The following BDH1 variants were observed in gnomAD, a reference collection of about 807,000 sequenced individuals.
The protein encoded by BDH1 is D-beta-hydroxybutyrate dehydrogenase, mitochondrial.
In BDH1, 30 loss-of-function variants were observed where a neutral mutation model predicts 33.1. The observed-to-expected ratio is 0.91, with a 90% confidence interval of 0.68 to 1.23. BDH1 has a LOEUF of 1.23. Ranked by LOEUF, BDH1 falls within the 50% of genes most tolerant of loss-of-function variation. The pLI, the probability that BDH1 is intolerant of heterozygous loss-of-function variation, is 0.00. For missense variants in BDH1, 443 were observed against 464.4 expected (o/e 0.95, Z 0.42); for synonymous variants, 190 against 183.6 (o/e 1.03, Z -0.28).
intron 5 of BDH1, among the ~76,000 whole-genome samples, chr3:197,531,358 C>G (rs1440579608): frequency 6.6e-6 from 1 of 150,838 alleles, no homozygotes; most frequent in Admixed American, 6.6e-5. Context: ...ATTGCACCCA[C>G]TGCACTCCAG....
At chr3:197,513,846 A>G (rs1261752911) in intron 7 of BDH1, among the ~76,000 whole-genome samples, 2 of 152,212 alleles carry the variant, frequency 1.3e-5, no homozygotes, top group African/African-American at 4.8e-5. Flanking sequence ...GATTTTTACT[A>G]TTGTTCCCTA....
rs1553865645 is a variant in BDH1, at chr3:197,510,599, G to GGGGTGTGTGTGTGTGTGT, written c.*1295_*1296insACACACACACACACACCC. On this transcript the variant is annotated 3_prime_UTR_variant, in exon 8 of 8. Transcript: ENST00000392379. ...CCACGCTGAAGCCCTGCAGAACAGGGGTGTGTGTGTGTGTGTGTGTGTGTG... is the reference window on the plus strand; with the variant it reads ...CCACGCTGAAGCCCTGCAGAACAGGGGGGTGTGTGTGTGTGTGTGTGTGTGTGTGTGTGTGTGTGTGTG... The GGGGTGTGTGTGTGTGTGT allele has an allele frequency of 6.6e-5, 5 of 75,374 alleles. No homozygotes were observed. The highest frequency in any genetic ancestry group is 7.8e-4 in the East Asian group (1 of 1,274). 4.7% of individuals were successfully genotyped at this position (75,374 alleles called of 1,614,324 possible).
chr3:197,548,826 G>A (rs550793880), intron 2 of BDH1, among the ~76,000 whole-genome samples: 1 of 152,046 alleles, frequency 6.6e-6, no homozygotes, highest in East Asian at 1.9e-4. Context: ...ACTCCAGCCT[G>A]GGTGACAGAG....
upstream of BDH1, among the ~76,000 whole-genome samples, chr3:197,560,600 A>G (rs2108772950): frequency 6.6e-6 from 1 of 152,330 alleles, no homozygotes; most frequent in African/African-American, 2.4e-5. Flanking sequence ...ACTGCTGGTG[A>G]GTGTACCCTT....
intron 3 of BDH1, 30 bp from the exon 4 acceptor site, chr3:197,533,591 A>G (rs1196378953): frequency 6.2e-7 from 1 of 1,607,860 alleles, no homozygotes; most frequent in Non-Finnish European, 8.5e-7. Context: ...CGTGAGTACA[A>G]GGACAGACTA....
chr3:197,548,109 A>T (rs115266067), intron 2 of BDH1, among the ~76,000 whole-genome samples: 7,172 of 152,264 alleles, frequency 0.047, 423 homozygotes, highest in African/African-American at 0.14. Flanking sequence ...AGTGGATGGG[A>T]GCTGAGCGGG....
chr3:197,553,912 C>A (rs1253261740), intron 2 of BDH1, among the ~76,000 whole-genome samples: 2 of 152,202 alleles, frequency 1.3e-5, no homozygotes, highest in Non-Finnish European at 2.9e-5. Flanking sequence ...CTAGGTGTAA[C>A]AAATGACAGT....
intron 2 of BDH1, among the ~76,000 whole-genome samples, chr3:197,546,974 C>A (rs1716136655): frequency 1.3e-5 from 2 of 152,234 alleles, no homozygotes; most frequent in Admixed American, 1.3e-4. Flanking sequence ...CACATAGCAT[C>A]TGACTCAGCC....
chr3:197,569,661 T>C (rs988678531), intron 1 of BDH1, among the ~76,000 whole-genome samples: 2 of 152,196 alleles, frequency 1.3e-5, no homozygotes, highest in African/African-American at 2.4e-5. Flanking sequence ...AAACCCCTTT[T>C]GCTTGGCTTT....
chr3:197,523,891 C>T lies in BDH1; in HGVS notation c.268-1110G>A, dbSNP rs910839474. Among the ~76,000 whole-genome samples, 32 of 152,118 alleles carry T rather than the reference C, an allele frequency of 2.1e-4. No individual in the cohort carries two copies. The highest frequency in any genetic ancestry group is 4.6e-4 in the Non-Finnish European group (31 of 68,032). ...AGCCATTGGTTGCAGGCAGTGCAGA[C>T]GCATAAGGAGGTGGTGGATGCAGGG... On this transcript the variant is annotated intron_variant, in intron 5 of 7. Coordinates refer to ENST00000392379, the MANE Select transcript of BDH1 (RefSeq NM_203314.3). The surrounding 1 kb of genome is among the most constrained non-coding windows in gnomAD (Gnocchi z 4.5).
In BDH1 at chr3:197,533,549, C is replaced by T. The variant is rs764393544; in HGVS notation, c.96G>A (p.Leu32=). 3.1e-6 allele frequency: 5 copies of T among 1,614,238 alleles called. No homozygotes were observed. Among genetic ancestry groups the T allele is most frequent in the Non-Finnish European group, 4.2e-6 (5 of 1,180,034 alleles). ...TCGGGATAAAGGAAGTAGAACCAAGCAATAGTGGGCGTCTGCAAGAGAAAA... is the reference window on the plus strand; with the variant it reads ...TCGGGATAAAGGAAGTAGAACCAAGTAATAGTGGGCGTCTGCAAGAGAAAA... ...DRENGARRPL[L]LGSTSFIPIG... is the part of the protein sequence containing the mutation. The change falls in exon 4 of 8, where the codon TTG becomes TTA. Residue 32 remains leucine, a synonymous_variant. Transcript: ENST00000392379.
chr3:197,543,879 T>C (rs1715868837), intron 3 of BDH1, among the ~76,000 whole-genome samples: 1 of 152,084 alleles, frequency 6.6e-6, no homozygotes, highest in Non-Finnish European at 1.5e-5. Context: ...ACTCGCTCAG[T>C]GTGAATGCAG....
intron 1 of BDH1, among the ~76,000 whole-genome samples, chr3:197,565,803 A>G (rs549461335): frequency 4.0e-4 from 61 of 152,230 alleles, no homozygotes; most frequent in African/African-American, 1.4e-3. Flanking sequence ...CAACTATAGA[A>G]CTCTAACAGG....
upstream of BDH1, among the ~76,000 whole-genome samples, chr3:197,560,794 A>G (rs964982827): frequency 2.6e-5 from 4 of 152,194 alleles, no homozygotes; most frequent in African/African-American, 9.7e-5. Context: ...CTCCCATTCT[A>G]TTCAGTCATC....
At chr3:197,564,741 A>T (rs1414395850) in intron 1 of BDH1, among the ~76,000 whole-genome samples, 2 of 152,222 alleles carry the variant, frequency 1.3e-5, no homozygotes, top group African/African-American at 4.8e-5. Context: ...CAAGACCAGC[A>T]TATGAGCCCA....
chr3:197,559,868 G>C (rs1382893202), upstream of BDH1, among the ~76,000 whole-genome samples: 1 of 152,184 alleles, frequency 6.6e-6, no homozygotes, highest in Non-Finnish European at 1.5e-5. Flanking sequence ...TGTTGACTTT[G>C]GAACTGGAGA....
chr3:197,538,383 C>T (rs1715327928), intron 3 of BDH1: 1 of 454,270 alleles, frequency 2.2e-6, no homozygotes, highest in Admixed American at 2.4e-5. Flanking sequence ...CAGAGTTTCA[C>T]TCTTGTTGCC....
chr3:197,522,850 G>A lies in BDH1; in HGVS notation c.268-69C>T. On this transcript the variant is annotated intron_variant, in intron 5 of 7. Coordinates refer to ENST00000392379, the MANE Select transcript of BDH1 (RefSeq NM_203314.3). The surrounding 1 kb of genome is among the most constrained non-coding windows in gnomAD (Gnocchi z 4.8). ...CCTGAGGCAGACCCTGAGGACTCCT[G>A]TCAAGGCAGGAGCTGGCCTCAAGTC... 1 of 1,566,092 alleles carries A rather than the reference G, an allele frequency of 6.4e-7. No individual in the cohort carries two copies. Among genetic ancestry groups the A allele is most frequent in the African/African-American group, 1.4e-5 (1 of 73,996 alleles).
rs146517578 is a variant in BDH1, at chr3:197,552,046, C to A, written c.-44+2516G>T. Among the ~76,000 whole-genome samples, 655 of 152,296 alleles carry A rather than the reference C, an allele frequency of 4.3e-3. 3 individuals carry two copies. The highest frequency in any genetic ancestry group is 0.015 in the African/African-American group (630 of 41,544). ...CCCGAAGGTTGATCTCCAACCCAAC[C>A]TTCTCCCCTGAACTCAGACAACTGC... is the stretch of plus-strand genomic sequence containing the variant. On this transcript the variant is annotated intron_variant, in intron 2 of 7. Transcript: ENST00000392379.
Sources: allele counts gnomAD v4.1 joint callset (sites outside exome capture counted in the v4.1 genomes callset), GRCh38; gene constraint gnomAD v4.1.1; non-coding constraint Gnocchi (gnomAD v3.1); transcripts MANE v1.5; gene names NCBI Gene and HGNC (gene_info 2026-07-23, HGNC 2026-07-21).